Variants in CACUL1 observed in about 807,000 individuals in gnomAD.
CACUL1 encodes CDK2-associated and cullin domain-containing protein 1.
CACUL1 carries 13 observed loss-of-function variants against 45.2 expected under a neutral mutation model. That is an observed-to-expected ratio of 0.29 (90% CI 0.19 to 0.46). The LOEUF (loss-of-function observed/expected upper bound fraction) is 0.46, where lower values mean the gene tolerates loss of function less well. CACUL1 is among the 20% of genes least tolerant of loss of function. The pLI, the probability that CACUL1 is intolerant of heterozygous loss-of-function variation, is 1.00. For synonymous variants in CACUL1, 197 were observed against 174.2 expected (o/e 1.13, Z -1.03); for missense variants, 421 against 471.4 (o/e 0.89, Z 0.99).
chr10:118,710,459 C>T (rs1218155135), intron 3 of CACUL1, among the ~76,000 whole-genome samples: 1 of 152,168 alleles, frequency 6.6e-6, no homozygotes, highest in African/African-American at 2.4e-5. Flanking sequence ...ACTGTCTACA[C>T]CTCTGGTTGC....
chr10:118,709,062 G>A (rs1845460146), intron 3 of CACUL1, among the ~76,000 whole-genome samples: 1 of 152,100 alleles, frequency 6.6e-6, no homozygotes, highest in Non-Finnish European at 1.5e-5. Context: ...TAAACCATCA[G>A]TTAACACATA....
At chr10:118,691,668 C>A in intron 6 of CACUL1, 1 of 313,704 alleles carries the variant, frequency 3.2e-6, no homozygotes, top group South Asian at 2.9e-5. Flanking sequence ...GAGATCGAGA[C>A]CATCCTGGCT....
intron 3 of CACUL1, among the ~76,000 whole-genome samples, chr10:118,722,484 T>C (rs1353402002): frequency 6.6e-6 from 1 of 152,056 alleles, no homozygotes. Flanking sequence ...CTGTCAGCAC[T>C]TTGTCCAGCA....
chr10:118,729,188 T>G (rs1564836445), intron 3 of CACUL1, 107 bp downstream of exon 3: 8 of 700,000 alleles, frequency 1.1e-5, no homozygotes, highest in Non-Finnish European at 1.5e-5. Context: ...ATTTATAAAT[T>G]TATATCATAA....
At chr10:118,738,181 G>A (rs1457712895) in intron 1 of CACUL1, among the ~76,000 whole-genome samples, 1 of 152,196 alleles carries the variant, frequency 6.6e-6, no homozygotes, top group Non-Finnish European at 1.5e-5. Flanking sequence ...AGGACTTGAG[G>A]ACATAATACT....
At chr10:118,703,639 G>A (rs1041856744) in intron 4 of CACUL1, among the ~76,000 whole-genome samples, 9 of 152,038 alleles carry the variant, frequency 5.9e-5, no homozygotes, top group East Asian at 1.9e-4. Flanking sequence ...ACAATAATGC[G>A]AAATAGTCTT....
rs1232511639 is a variant in CACUL1 at position 118,681,199 on chromosome 10, G to C, written c.*4929C>G. On this transcript the variant is annotated 3_prime_UTR_variant, in exon 9 of 9. Transcript: ENST00000369151. ...AACGCCCTGTGCTGAGCTCACTATG[G>C]CTTCTGACATACAAGCACCACTAGG... The C allele has an allele frequency of 5.9e-5, 9 of 152,182 alleles. No individual in the cohort carries two copies. Among genetic ancestry groups the C allele is most frequent in the African/African-American group, 1.9e-4 (8 of 41,432 alleles). 9.4% of individuals were successfully genotyped at this position (152,182 alleles called of 1,614,324 possible).
intron 1 of CACUL1, among the ~76,000 whole-genome samples, chr10:118,731,701 G>A (rs1845699005): frequency 6.6e-6 from 1 of 152,144 alleles, no homozygotes; most frequent in African/African-American, 2.4e-5. Context: ...GTGGGGAGAA[G>A]GATTATCTAT....
rs1018752262 is a variant in CACUL1, at chr10:118,754,581, G to A, written c.182C>T (p.Pro61Leu). Reference sequence around the variant, plus strand: ...GCCTTTCCTGTCCACGGAGACCGCGGGCACCGCCAGCAGCTGCCCCCCCGG... The same window carrying A: ...GCCTTTCCTGTCCACGGAGACCGCGAGCACCGCCAGCAGCTGCCCCCCCGG... ...EPPGGQLLAVPAVSVDRKGPK... is the reference protein window; with the variant it reads ...EPPGGQLLAVLAVSVDRKGPK... Residue 61 changes from proline (P) to leucine (L), a missense_variant, in exon 1 of 9, where the codon CCC becomes CTC. Pro to Leu is a moderately conservative substitution (Grantham distance 98). Around this residue, in one of 2 missense-constraint regions of CACUL1, gnomAD observed 213 missense variants for 173.1 expected, o/e 1.23. Coordinates refer to ENST00000369151, the MANE Select transcript of CACUL1 (RefSeq NM_153810.5). 3.1e-6 allele frequency: 5 copies of A among 1,609,562 alleles called. No homozygotes were observed. Among genetic ancestry groups the A allele is most frequent in the African/African-American group, 1.3e-5 (1 of 74,544 alleles).
At chr10:118,711,050 C>T (rs1373240337) in intron 3 of CACUL1, among the ~76,000 whole-genome samples, 1 of 152,174 alleles carries the variant, frequency 6.6e-6, no homozygotes, top group Admixed American at 6.5e-5. Context: ...GAATTAACTA[C>T]CCATTTGTCT....
At chr10:118,744,510 T>C (rs1232565409) in intron 1 of CACUL1, among the ~76,000 whole-genome samples, 1 of 152,192 alleles carries the variant, frequency 6.6e-6, no homozygotes, top group Non-Finnish European at 1.5e-5. Context: ...AATTGCTTAA[T>C]GGGTATGGAA....
Position 118,685,463 on chromosome 10 carries a change from C to CCATA in CACUL1, c.*661_*664dup, listed in dbSNP as rs1280759198. On this transcript the variant is annotated 3_prime_UTR_variant, in exon 9 of 9. Transcript: ENST00000369151. ...CCATCTTGGTGGGTGAGTTTAGATA[C>CCATA]CATACACTTCTCCAGGAGGAGTTTG... 6.6e-6 allele frequency: 1 copy of CCATA among 152,638 alleles called. No individual in the cohort carries two copies. Among genetic ancestry groups the CCATA allele is most frequent in the African/African-American group, 2.4e-5 (1 of 41,446 alleles). The allele number at this position is 152,638 out of a possible 1,614,324, so 9.5% of individuals were successfully genotyped here.
At chr10:118,754,352 T>G in intron 1 of CACUL1, 44 bp downstream of exon 1, 1 of 1,446,590 alleles carries the variant, frequency 6.9e-7, no homozygotes, top group Non-Finnish European at 9.1e-7. Flanking sequence ...GGCGTCCGAG[T>G]GAGGTGGAGA....
chr10:118,704,273 A>G (rs1217157669), intron 4 of CACUL1, among the ~76,000 whole-genome samples: 1 of 151,920 alleles, frequency 6.6e-6, no homozygotes, highest in East Asian at 1.9e-4. Flanking sequence ...TTCCTTACTG[A>G]TCTGAAATGT....
chr10:118,716,225 C>T (rs1489688633), intron 3 of CACUL1, among the ~76,000 whole-genome samples: 4 of 150,224 alleles, frequency 2.7e-5, no homozygotes, highest in African/African-American at 9.8e-5. Flanking sequence ...GAGCAAGACT[C>T]CGTCTCAAAA....
intron 1 of CACUL1, among the ~76,000 whole-genome samples, chr10:118,730,715 A>T (rs1474066199): frequency 6.6e-6 from 1 of 152,208 alleles, no homozygotes; most frequent in Non-Finnish European, 1.5e-5. Flanking sequence ...TCATTAGTGG[A>T]GCAGTCTCAA....
chr10:118,722,234 C>T (rs1845608050), intron 3 of CACUL1, among the ~76,000 whole-genome samples: 1 of 152,034 alleles, frequency 6.6e-6, no homozygotes, highest in Non-Finnish European at 1.5e-5. Flanking sequence ...CAGGCATGTG[C>T]CACCATGCCC....
At chr10:118,719,304 A>T (rs530029990) in intron 3 of CACUL1, among the ~76,000 whole-genome samples, 1 of 152,292 alleles carries the variant, frequency 6.6e-6, no homozygotes, top group African/African-American at 2.4e-5. Context: ...AGGATCCTTA[A>T]TACTATTTTC....
Position 118,678,767 on chromosome 10 carries a change from A to G in CACUL1, c.*7361T>C, listed in dbSNP as rs1298369737. The G allele has an allele frequency of 2.0e-5, 3 of 152,218 alleles. No individual in the cohort carries two copies. The highest frequency in any genetic ancestry group is 2.9e-5 in the Non-Finnish European group (2 of 68,032). The allele number at this position is 152,218 out of a possible 1,614,324, so 9.4% of individuals were successfully genotyped here. Reference sequence around the variant, plus strand: ...TTGGTCATCATTTGTTACATTTTGAATACACTGTTAGACTTGGTTTGCAAA... The same window carrying G: ...TTGGTCATCATTTGTTACATTTTGAGTACACTGTTAGACTTGGTTTGCAAA... On this transcript the variant is annotated 3_prime_UTR_variant, in exon 9 of 9. Coordinates refer to ENST00000369151, the MANE Select transcript of CACUL1 (RefSeq NM_153810.5).
Sources: gnomAD v4.1 joint callset for allele counts (sites outside exome capture counted in the v4.1 genomes callset) on GRCh38, gnomAD v4.1.1 for gene constraint, gnomAD v4.1.1 regional missense constraint, MANE v1.5 for transcripts, NCBI Gene and HGNC (gene_info 2026-07-23, HGNC 2026-07-21) for gene names.